CACNA2D1: variants seen among roughly 807,000 people sequenced by gnomAD.
CACNA2D1 encodes calcium voltage-gated channel auxiliary subunit alpha2delta 1.
CACNA2D1 carries 53 observed loss-of-function variants against 171.5 expected under a neutral mutation model. The ratio of observed to expected loss-of-function variants is 0.31; its 90% CI spans 0.25 to 0.39. CACNA2D1 has a LOEUF of 0.39. Among genes scored for constraint, CACNA2D1 ranks in the 10% least tolerant of loss-of-function variants. The pLI is 1.00. For missense variants in CACNA2D1, 903 were observed against 1,299.8 expected (o/e 0.69, Z 4.69); for synonymous variants, 442 against 443.1 (o/e 1.00, Z 0.03).
intron 3 of CACNA2D1, among the ~76,000 whole-genome samples, chr7:82,287,511 T>C (rs1425593958): frequency 6.6e-6 from 1 of 152,178 alleles, no homozygotes; most frequent in African/African-American, 2.4e-5. Context: ...CTGTCCTATA[T>C]GCTTCACTGC....
intron 3 of CACNA2D1, among the ~76,000 whole-genome samples, chr7:82,203,947 A>T (rs545924158): frequency 6.2e-4 from 94 of 152,322 alleles, no homozygotes; most frequent in Admixed American, 4.1e-3. Context: ...GGAGCAGCCA[A>T]GTATGCTGAG....
intron 12 of CACNA2D1, among the ~76,000 whole-genome samples, chr7:82,024,212 CT>C (rs1801608179): frequency 6.6e-6 from 1 of 151,114 alleles, no homozygotes; most frequent in Non-Finnish European, 1.5e-5. Context: ...ATTTTTAATT[CT>C]TTGAGGGACC....
chr7:82,402,500 C>A (rs1826533928), intron 1 of CACNA2D1, among the ~76,000 whole-genome samples: 1 of 151,976 alleles, frequency 6.6e-6, no homozygotes, highest in South Asian at 2.1e-4. Context: ...ATCACAAGAT[C>A]AGGAGATCGA....
chr7:82,224,445 G>A (rs1239925527), intron 3 of CACNA2D1, among the ~76,000 whole-genome samples: 2 of 152,064 alleles, frequency 1.3e-5, no homozygotes, highest in Admixed American at 1.3e-4. Flanking sequence ...AACTAGCTGG[G>A]CGTGGTGGCA....
rs764339280 is a variant in CACNA2D1, at chr7:81,991,243, A to G, written c.1738T>C (p.Tyr580His). ...RTLVKSQDER[Y>H]IDKGNRTYTW... ...TATGTCCTGTTTCCTTTGTCAATAT[A>G]TCTCTAGAAAGAAGTTTAACGTGGT... The change falls in exon 21 of 39, where the codon TAT becomes CAT. Residue 580 changes from tyrosine (Y) to histidine (H), a missense_variant. Physicochemically the swap from Tyr to His is moderately conservative, Grantham distance 83 (BLOSUM62 2). Transcript: ENST00000356860. The G allele has an allele frequency of 1.3e-6, 2 of 1,487,444 alleles. No individual in the cohort carries two copies. Among genetic ancestry groups the G allele is most frequent in the African/African-American group, 1.4e-5 (1 of 72,520 alleles). 92.1% of individuals were successfully genotyped at this position (1,487,444 alleles called of 1,614,324 possible). A position where few individuals can be genotyped will look rare whatever the true frequency, so the allele number is the denominator to read the frequency against.
intron 1 of CACNA2D1, among the ~76,000 whole-genome samples, chr7:82,432,792 G>A (rs979169111): frequency 6.6e-6 from 1 of 152,186 alleles, no homozygotes; most frequent in Non-Finnish European, 1.5e-5. Flanking sequence ...AATAAGTAAT[G>A]CTCAATTGCC....
intron 3 of CACNA2D1, among the ~76,000 whole-genome samples, chr7:82,241,026 A>G (rs1009818211): frequency 6.6e-6 from 1 of 152,036 alleles, no homozygotes; most frequent in Non-Finnish European, 1.5e-5. Context: ...ATAGTTATGG[A>G]AATATTTTAC....
chr7:82,247,301 G>A (rs1805044333), intron 3 of CACNA2D1, among the ~76,000 whole-genome samples: 1 of 152,066 alleles, frequency 6.6e-6, no homozygotes, highest in Non-Finnish European at 1.5e-5. Context: ...CTTGAGGCCA[G>A]AAGCTTAAAA....
intron 1 of CACNA2D1, among the ~76,000 whole-genome samples, chr7:82,415,595 T>C (rs901092936): frequency 1.3e-5 from 2 of 152,090 alleles, no homozygotes; most frequent in Non-Finnish European, 1.5e-5. Context: ...CAACATTGCA[T>C]GTATTCTCGC....
At chr7:82,163,357 A>C (rs2129136564) in intron 4 of CACNA2D1, among the ~76,000 whole-genome samples, 1 of 152,194 alleles carries the variant, frequency 6.6e-6, no homozygotes, top group South Asian at 2.1e-4. Context: ...TCTAGGCTAA[A>C]CCTGAATGAT....
intron 3 of CACNA2D1, among the ~76,000 whole-genome samples, chr7:82,283,654 A>G (rs1810397278): frequency 6.7e-6 from 1 of 148,248 alleles, no homozygotes; most frequent in African/African-American, 2.4e-5. Flanking sequence ...ACTAACAATC[A>G]CCATAAAGAA....
At chr7:82,215,737 A>T (rs1184999984) in intron 3 of CACNA2D1, among the ~76,000 whole-genome samples, 1 of 152,070 alleles carries the variant, frequency 6.6e-6, no homozygotes, top group Non-Finnish European at 1.5e-5. Context: ...CATATTTCTT[A>T]TTGACCGTGA....
chr7:82,437,018 G>T (rs1475096593), intron 1 of CACNA2D1, among the ~76,000 whole-genome samples: 1 of 152,042 alleles, frequency 6.6e-6, no homozygotes, highest in African/African-American at 2.4e-5. Context: ...CATATTACAG[G>T]TTTATCTGTA....
At chr7:82,094,039 C>A (rs1040579672) in intron 6 of CACNA2D1, among the ~76,000 whole-genome samples, 1 of 152,058 alleles carries the variant, frequency 6.6e-6, no homozygotes, top group Non-Finnish European at 1.5e-5. Flanking sequence ...TAACAAGGCT[C>A]CTGGGGACAA....
At chr7:82,020,029 A>G (rs1030044743) in intron 12 of CACNA2D1, among the ~76,000 whole-genome samples, 1 of 152,174 alleles carries the variant, frequency 6.6e-6, no homozygotes, top group Non-Finnish European at 1.5e-5. Context: ...ACTAGCCTAT[A>G]TCTCCAGTTT....
chr7:82,148,077 C>T (rs1793351905), intron 4 of CACNA2D1, among the ~76,000 whole-genome samples: 1 of 151,974 alleles, frequency 6.6e-6, no homozygotes, highest in Non-Finnish European at 1.5e-5. Context: ...ATATTAGGCA[C>T]AGTAAGAGAT....
chr7:82,104,950 A>T (rs1787560581), intron 6 of CACNA2D1, among the ~76,000 whole-genome samples: 2 of 152,178 alleles, frequency 1.3e-5, no homozygotes, highest in Admixed American at 1.3e-4. Flanking sequence ...CTATTTCTCA[A>T]ATATTCTTGG....
At chr7:82,416,439 C>T (rs568220996) in intron 1 of CACNA2D1, among the ~76,000 whole-genome samples, 1 of 152,178 alleles carries the variant, frequency 6.6e-6, no homozygotes, top group East Asian at 1.9e-4. Flanking sequence ...CTTAAAACAA[C>T]ATAAATGTAT....
chr7:82,277,756 T>A (rs533866671), intron 3 of CACNA2D1, among the ~76,000 whole-genome samples: 5 of 149,724 alleles, frequency 3.3e-5, no homozygotes, highest in Admixed American at 2.0e-4. Context: ...TTTTATTTTT[T>A]TTTTTTTGAG....
Sources: allele counts gnomAD v4.1 joint callset (sites outside exome capture counted in the v4.1 genomes callset), GRCh38; gene constraint gnomAD v4.1.1; transcripts MANE v1.5; gene names NCBI Gene and HGNC (gene_info 2026-07-23, HGNC 2026-07-21).